The following PHF20L1 variants were observed in gnomAD, a reference collection of about 807,000 sequenced individuals.
PHF20L1 encodes PHD finger protein 20-like protein 1.
Under a neutral mutation model 125.5 loss-of-function variants are expected in PHF20L1, and 44 were observed. That is an observed-to-expected ratio of 0.35 (90% CI 0.28 to 0.45). The LOEUF (loss-of-function observed/expected upper bound fraction) is 0.45. Ranked by LOEUF, PHF20L1 falls within the 20% of genes least tolerant of loss-of-function variation. The pLI is 1.00. For missense variants in PHF20L1, 1,012 were observed against 1,217.2 expected, an observed-to-expected ratio of 0.83 and a Z score of 2.51; for synonymous variants, 380 against 403.1, an observed-to-expected ratio of 0.94 and a Z score of 0.69.
rs370849700 is a variant in PHF20L1 at position 132,842,516 on chromosome 8, A to T, written c.2389A>T (p.Asn797Tyr). The change falls in exon 19 of 21, where the codon AAT becomes TAT. Residue 797 changes from asparagine (N) to tyrosine (Y), a missense_variant and splice_region_variant. This residue lies in a region of PHF20L1 where 277 missense variants were observed against 283.6 expected (regional missense o/e 0.98). Coordinates refer to ENST00000395386, the MANE Select transcript of PHF20L1 (RefSeq NM_016018.5). ...GLQLKIGILKNKHHPDLHLWA... is the reference protein window; with the variant it reads ...GLQLKIGILKYKHHPDLHLWA... ...CTGTTTTTCCAACTTTGTTTTAAGGAATAAACATCATCCTGACCTTCATCT... is the reference window on the plus strand; with the variant it reads ...CTGTTTTTCCAACTTTGTTTTAAGGTATAAACATCATCCTGACCTTCATCT... 2 of 1,582,400 alleles carry T rather than the reference A, an allele frequency of 1.3e-6. No individual in the cohort carries two copies. The highest frequency in any genetic ancestry group is 2.8e-5 in the African/African-American group (2 of 72,592).
At chr8:132,807,754 A>G (rs986955796) in intron 8 of PHF20L1, 13 of 455,762 alleles carry the variant, frequency 2.9e-5, no homozygotes, top group Non-Finnish European at 5.3e-5. Flanking sequence ...TATAGCTAAT[A>G]TAGAATACTG....
chr8:132,807,325 A>G (rs1833847482), intron 8 of PHF20L1: 2 of 164,070 alleles, frequency 1.2e-5, no homozygotes, highest in African/African-American at 2.4e-5. Context: ...TTAGAAAACT[A>G]GTAGTCCATA....
Position 132,847,953 on chromosome 8 carries a change from C to T in PHF20L1, c.*2030C>T, listed in dbSNP as rs1393320030. ...TTAAAATAGTGGCTCTAATATTTTC[C>T]CTGTCATGGCTACATTCTAGACATT... On this transcript the variant is annotated 3_prime_UTR_variant, in exon 21 of 21. Transcript: ENST00000395386. 6.6e-6 allele frequency: 1 copy of T among 151,818 alleles called. No individual in the cohort carries two copies. Among genetic ancestry groups the T allele is most frequent in the Non-Finnish European group, 1.5e-5 (1 of 67,934 alleles). The allele number at this position is 151,818 out of a possible 1,614,324, so 9.4% of individuals were successfully genotyped here.
At chr8:132,826,485 G>GCATT (rs1836197110) in intron 14 of PHF20L1, 1 of 152,076 alleles carries the variant, frequency 6.6e-6, no homozygotes, top group South Asian at 2.1e-4. Flanking sequence ...CAAAAGTCAT[G>GCATT]CATTCCTTCA....
chr8:132,843,308 C>CT (rs1838115490), intron 19 of PHF20L1: 1 of 984,332 alleles, frequency 1.0e-6, no homozygotes, highest in Non-Finnish European at 1.2e-6. Flanking sequence ...ATGCATCCCA[C>CT]TATTCAGTAA....
intron 13 of PHF20L1, chr8:132,824,894 C>A: frequency 4.9e-6 from 2 of 407,838 alleles, no homozygotes; most frequent in Non-Finnish European, 7.5e-6. Flanking sequence ...CTAATTTATT[C>A]TCTCATTAAA....
intron 9 of PHF20L1, chr8:132,812,802 C>T (rs1157276579): frequency 3.1e-6 from 3 of 982,982 alleles, no homozygotes; most frequent in Non-Finnish European, 3.6e-6. Context: ...ACCTCTGTTT[C>T]CTAATGAGTT....
Position 132,839,573 on chromosome 8 carries a change from G to C in PHF20L1, c.2378G>C (p.Gly793Ala), listed in dbSNP as rs768109875. Reference protein sequence around the residue: ...EVLHGLQLKIGILKNKHHPDL... With the variant: ...EVLHGLQLKIAILKNKHHPDL... ...CTACACGGGCTACAGCTGAAGATTG[G>C]AATACTAAAGTAAGTGAAGGGCAGC... is the stretch of plus-strand genomic sequence containing the variant. Residue 793 changes from glycine to alanine, a missense_variant, in exon 18 of 21, where the codon GGA (glycine) becomes GCA (alanine). Gly to Ala is a moderately conservative substitution (Grantham distance 60). Coordinates refer to ENST00000395386, the MANE Select transcript of PHF20L1 (RefSeq NM_016018.5). 5.6e-6 allele frequency: 9 copies of C among 1,611,366 alleles called. No individual in the cohort carries two copies. The East Asian group carries it at 2.0e-4, about 36-fold the overall frequency.
At position 132,844,198 on chromosome 8, in the gene PHF20L1, A is replaced by C. The variant is rs910242627; in HGVS notation, c.2791A>C (p.Lys931Gln). The C allele has an allele frequency of 6.2e-7, 1 of 1,613,012 alleles. No homozygotes were observed. The highest frequency in any genetic ancestry group is 8.5e-7 in the Non-Finnish European group (1 of 1,179,244). ...TACAGTATTTGTTTATAATGATAAA[A>C]AGGGCACCGAAGACCCAGGAGACTC... ...GNTVFVYNDK[K>Q]GTEDPGDSHL... The change falls in exon 20 of 21, where the codon AAG becomes CAG. Residue 931 changes from lysine to glutamine, a missense_variant. This residue lies in a region of PHF20L1 where 277 missense variants were observed against 283.6 expected (regional missense o/e 0.98). Transcript: ENST00000395386.
At chr8:132,835,232 T>C (rs1301556482) in intron 15 of PHF20L1, among the ~76,000 whole-genome samples, 12 of 152,122 alleles carry the variant, frequency 7.9e-5, no homozygotes, top group Non-Finnish European at 1.8e-4. Context: ...CTTGCTGTCA[T>C]GGATTCTGAT....
chr8:132,794,643 G>A, intron 3 of PHF20L1, 62 bp downstream of exon 3: 1 of 1,502,356 alleles, frequency 6.7e-7, no homozygotes, highest in Non-Finnish European at 9.2e-7. Context: ...TATTTTAAAA[G>A]GATTCTGTTA....
rs187131837 is a variant in PHF20L1, at chr8:132,834,002, T to A, written c.1909+1603T>A. On this transcript the variant is annotated intron_variant, in intron 15 of 20. Coordinates refer to ENST00000395386, the MANE Select transcript of PHF20L1 (RefSeq NM_016018.5). Reference sequence around the variant, plus strand: ...TCAGGAAACCACACTTGCAAAATGCTGTCTCAGGAAATAGCAATGACAATT... The same window carrying A: ...TCAGGAAACCACACTTGCAAAATGCAGTCTCAGGAAATAGCAATGACAATT... 7.2e-5 allele frequency among the ~76,000 whole-genome samples: 11 copies of A among 152,218 alleles called. No individual in the cohort carries two copies. In the East Asian group the frequency reaches 1.9e-3, roughly 27 times the overall value.
At chr8:132,803,575 C>T in intron 6 of PHF20L1, 1 of 420,018 alleles carries the variant, frequency 2.4e-6, no homozygotes, top group Non-Finnish European at 4.2e-6. Context: ...AAAATATATC[C>T]ATGGAATACC....
At chr8:132,776,690 A>G (rs1235936808) in intron 1 of PHF20L1, among the ~76,000 whole-genome samples, 1 of 152,228 alleles carries the variant, frequency 6.6e-6, no homozygotes, top group Middle Eastern at 3.4e-3. Flanking sequence ...TTGTTGTTCT[A>G]TTTTGTCTAT....
In PHF20L1 at chr8:132,848,702, A is replaced by G. The variant is rs1330889514; in HGVS notation, c.*2779A>G. On this transcript the variant is annotated 3_prime_UTR_variant, in exon 21 of 21. Coordinates refer to ENST00000395386, the MANE Select transcript of PHF20L1 (RefSeq NM_016018.5). ...ATTTCAGGTAAAACCCCTTTTCCTA[A>G]CACTCATCTTATTTCCACTGTCTTA... 1.3e-5 allele frequency: 2 copies of G among 152,016 alleles called. No individual in the cohort carries two copies. The highest frequency in any genetic ancestry group is 4.8e-5 in the African/African-American group (2 of 41,430). The allele number at this position is 152,016 out of a possible 1,614,324, so 9.4% of individuals were successfully genotyped here. A position where few individuals can be genotyped will look rare whatever the true frequency, so the allele number is the denominator to read the frequency against.
chr8:132,835,500 A>G lies in PHF20L1; in HGVS notation c.1910-1040A>G, dbSNP rs148730029. On this transcript the variant is annotated intron_variant, in intron 15 of 20. Transcript: ENST00000395386. ...TAAAGATTCCCCCGTGTCTGTCTCA[A>G]TTTTCTTTTCCTCAGTAACCTGAGC... Among the ~76,000 whole-genome samples, 4 of 152,048 alleles carry G rather than the reference A, an allele frequency of 2.6e-5. No homozygotes were observed. In the East Asian group the frequency reaches 5.8e-4, roughly 22 times the overall value.
intron 19 of PHF20L1, chr8:132,843,831 T>C: frequency 1.0e-6 from 1 of 985,220 alleles, no homozygotes; most frequent in Non-Finnish European, 1.2e-6. Flanking sequence ...TGAGATTAAT[T>C]GAGGAAGAGG....
Position 132,799,172 on chromosome 8 carries a change from G to T in PHF20L1, c.507G>T (p.Glu169Asp). The T allele has an allele frequency of 1.3e-6, 2 of 1,588,640 alleles. No homozygotes were observed. Among genetic ancestry groups the T allele is most frequent in the Non-Finnish European group, 1.7e-6 (2 of 1,163,634 alleles). ...CGTGTAACCAGTCTATGGGAAGTGA[G>T]GTAAGAGCCTTTTTTTTAAAAATTT... ...AGSCNQSMGSEDWIALVKAAA... is the reference protein window; with the variant it reads ...AGSCNQSMGSDDWIALVKAAA... The change falls in exon 6 of 21, where the codon GAG becomes GAT. Residue 169 changes from glutamate (E) to aspartate (D), a missense_variant and splice_region_variant. Physicochemically the swap from Glu to Asp is conservative, Grantham distance 45 (BLOSUM62 2). This residue lies in a region of PHF20L1 where 134 missense variants were observed against 145.9 expected (regional missense o/e 0.92). Coordinates refer to ENST00000395386, the MANE Select transcript of PHF20L1 (RefSeq NM_016018.5).
intron 7 of PHF20L1, 22 bp downstream of exon 7, chr8:132,804,054 T>C: frequency 6.8e-7 from 1 of 1,472,682 alleles, no homozygotes; most frequent in Non-Finnish European, 9.5e-7. Context: ...ATTCTTACGT[T>C]AATTCCTTAT....
Sources: gnomAD v4.1 joint callset for allele counts (sites outside exome capture counted in the v4.1 genomes callset) on GRCh38, gnomAD v4.1.1 for gene constraint, gnomAD v4.1.1 regional missense constraint, MANE v1.5 for transcripts, NCBI Gene and HGNC (gene_info 2026-07-23, HGNC 2026-07-21) for gene names.